The following TTC6 variants were observed in gnomAD, a reference collection of about 807,000 sequenced individuals.
The protein encoded by TTC6 is tetratricopeptide repeat protein 6.
TTC6 carries 172 observed loss-of-function variants against 210.4 expected under a neutral mutation model. That is an observed-to-expected ratio of 0.82 (90% CI 0.72 to 0.93). The LOEUF is 0.93. Among genes scored for constraint, TTC6 ranks in the 40% least tolerant of loss-of-function variants. The probability of loss-of-function intolerance (pLI) is 0.00; values close to 1 mark genes in which losing one functional copy is unlikely to be tolerated. For missense variants in TTC6, 2,414 were observed against 2,318.1 expected, an observed-to-expected ratio of 1.04 and a Z score of -0.85; for synonymous variants, 804 against 819.6, an observed-to-expected ratio of 0.98 and a Z score of 0.32.
intron 9 of TTC6, 37 bp from the exon 12 acceptor site, chr14:37,738,739 T>C: frequency 7.1e-7 from 1 of 1,411,434 alleles, no homozygotes; most frequent in Non-Finnish European, 9.2e-7. Context: ...ACTAAATTGA[T>C]TTTACGTTTT....
chr14:37,642,105 T>A (rs1015745345), intron 1 of TTC6, among the ~76,000 whole-genome samples: 3 of 152,248 alleles, frequency 2.0e-5, no homozygotes, highest in Non-Finnish European at 4.4e-5. Flanking sequence ...GAATTCTTTG[T>A]CCCTTGACTT....
intron 1 of TTC6, among the ~76,000 whole-genome samples, chr14:37,648,206 C>G (rs930587993): frequency 6.6e-6 from 1 of 152,120 alleles, no homozygotes; most frequent in African/African-American, 2.4e-5. Context: ...CTTGTTTTAT[C>G]CTTGACTTTA....
chr14:37,761,065 A>G (rs1261953806), intron 14 of TTC6, among the ~76,000 whole-genome samples: 2 of 152,110 alleles, frequency 1.3e-5, no homozygotes, highest in Non-Finnish European at 2.9e-5. Flanking sequence ...TGGGGTACTA[A>G]AAAGAACTCC....
intron 10 of TTC6, among the ~76,000 whole-genome samples, chr14:37,747,763 C>T (rs577736108): frequency 6.6e-5 from 10 of 152,188 alleles, no homozygotes; most frequent in South Asian, 6.2e-4. Flanking sequence ...GAGGTGCAAA[C>T]GAAACATATC....
intron 14 of TTC6, among the ~76,000 whole-genome samples, chr14:37,758,763 G>A (rs780292349): frequency 6.6e-5 from 10 of 152,138 alleles, no homozygotes; most frequent in Non-Finnish European, 1.0e-4. Context: ...ATTAGTTGGT[G>A]CAGTTTCTTC....
At chr14:37,709,350 A>G (rs1440070506) in intron 5 of TTC6, among the ~76,000 whole-genome samples, 1 of 152,136 alleles carries the variant, frequency 6.6e-6, no homozygotes, top group African/African-American at 2.4e-5. Context: ...AGTGGGTGGC[A>G]GAGATAGAAC....
chr14:37,791,928 G>A (rs1177603233), intron 16 of TTC6, among the ~76,000 whole-genome samples: 1 of 152,110 alleles, frequency 6.6e-6, no homozygotes, highest in African/African-American at 2.4e-5. Flanking sequence ...ATAGCCTGAG[G>A]TAAAGACTCT....
At chr14:37,803,697 AAG>A (rs1395737397) in intron 20 of TTC6, among the ~76,000 whole-genome samples, 3 of 152,174 alleles carry the variant, frequency 2.0e-5, no homozygotes, top group Non-Finnish European at 4.4e-5. Context: ...AGGAATGAGA[AAG>A]AAAGCAATTC....
intron 29 of TTC6, among the ~76,000 whole-genome samples, chr14:37,828,736 T>C (rs2096177933): frequency 1.3e-5 from 2 of 152,056 alleles, no homozygotes; most frequent in Admixed American, 6.6e-5. Context: ...TTTGAATATG[T>C]CAGGGTCATT....
intron 1 of TTC6, among the ~76,000 whole-genome samples, chr14:37,677,596 G>T (rs2095773036): frequency 6.6e-6 from 1 of 152,038 alleles, no homozygotes; most frequent in African/African-American, 2.4e-5. Context: ...TAGGGGGTTT[G>T]TAGCTGTCAT....
chr14:37,805,626 A>C (rs921445779), intron 21 of TTC6, among the ~76,000 whole-genome samples: 3 of 152,242 alleles, frequency 2.0e-5, no homozygotes, highest in Non-Finnish European at 4.4e-5. Flanking sequence ...TTGAACAACC[A>C]GAGCAAACTC....
intron 29 of TTC6, among the ~76,000 whole-genome samples, 180 bp downstream of exon 31, chr14:37,827,546 CTA>C (rs907327640): frequency 6.6e-6 from 1 of 151,996 alleles, no homozygotes; most frequent in Non-Finnish European, 1.5e-5. Context: ...ATTTATGCCT[CTA>C]TGGATTTATT....
At chr14:37,647,206 A>G (rs770065619) in intron 1 of TTC6, among the ~76,000 whole-genome samples, 5 of 152,190 alleles carry the variant, frequency 3.3e-5, no homozygotes, top group Non-Finnish European at 7.3e-5. Flanking sequence ...ACTCTGAGTG[A>G]TGTGGGAAGA....
At chr14:37,810,373 G>A (rs529951296) in intron 24 of TTC6, among the ~76,000 whole-genome samples, 2 of 152,292 alleles carry the variant, frequency 1.3e-5, no homozygotes, top group South Asian at 2.1e-4. Context: ...CCAGTGCCCT[G>A]TTAATTAAGA....
intron 14 of TTC6, among the ~76,000 whole-genome samples, chr14:37,764,171 G>C (rs973078739): frequency 1.3e-5 from 2 of 152,014 alleles, no homozygotes; most frequent in African/African-American, 2.4e-5. Flanking sequence ...AAAATTTACT[G>C]GGACTTGTGT....
At chr14:37,816,380 GGA>G (rs900338315) in intron 25 of TTC6, among the ~76,000 whole-genome samples, 1 of 152,044 alleles carries the variant, frequency 6.6e-6, no homozygotes, top group African/African-American at 2.4e-5. Flanking sequence ...GGAGTGGGAG[GGA>G]GAGAGAGAGT....
chr14:37,733,850 T>G (rs1393132137), intron 7 of TTC6, among the ~76,000 whole-genome samples: 3 of 152,148 alleles, frequency 2.0e-5, no homozygotes, highest in Non-Finnish European at 4.4e-5. Flanking sequence ...TTGTGCTTGG[T>G]ATTGGATTCT....
chr14:37,786,802 C>T (rs992724453), intron 14 of TTC6, among the ~76,000 whole-genome samples: 10 of 152,210 alleles, frequency 6.6e-5, no homozygotes, highest in African/African-American at 2.4e-4. Flanking sequence ...AGTAGGCAAC[C>T]TAGTAGCTTC....
At chr14:37,679,600 A>C (rs987292640) in intron 1 of TTC6, among the ~76,000 whole-genome samples, 1 of 152,130 alleles carries the variant, frequency 6.6e-6, no homozygotes, top group Non-Finnish European at 1.5e-5. Flanking sequence ...CTGACTTAAT[A>C]TTACCTAATT....
Sources: gnomAD v4.1 joint callset for allele counts (sites outside exome capture counted in the v4.1 genomes callset) on GRCh38, gnomAD v4.1.1 for gene constraint, MANE v1.5 for transcripts, NCBI Gene and HGNC (gene_info 2026-07-23, HGNC 2026-07-21) for gene names.